MTA3: variants seen among roughly 807,000 people sequenced by gnomAD.
MTA3 encodes the protein metastasis-associated protein MTA3.
MTA3 carries 34 observed loss-of-function variants against 83.5 expected under a neutral mutation model. The observed-to-expected ratio is 0.41, with a 90% confidence interval of 0.31 to 0.54. The LOEUF (loss-of-function observed/expected upper bound fraction) is 0.54, where lower values mean the gene tolerates loss of function less well. Among genes scored for constraint, MTA3 ranks in the 20% least tolerant of loss-of-function variants. The pLI, the probability that MTA3 is intolerant of heterozygous loss-of-function variation, is 0.33. For missense variants in MTA3, 761 were observed against 726.4 expected (o/e 1.05, Z -0.55); for synonymous variants, 303 against 252.7 (o/e 1.20, Z -1.89).
intron 2 of MTA3, among the ~76,000 whole-genome samples, chr2:42,576,926 AC>A (rs1679102046): frequency 1.4e-5 from 2 of 147,970 alleles, no homozygotes; most frequent in South Asian, 4.3e-4. Flanking sequence ...AAACAAAACC[AC>A]CTCTAAACTG....
intron 3 of MTA3, among the ~76,000 whole-genome samples, chr2:42,591,985 C>G (rs1558469295): frequency 6.6e-6 from 1 of 151,586 alleles, no homozygotes; most frequent in African/African-American, 2.4e-5. Flanking sequence ...TTCATTTGGC[C>G]AGGTGTAGTG....
In MTA3 at chr2:42,754,039, G is replaced by A. The variant is rs1389823309; in HGVS notation, c.*640G>A. 8.1e-6 allele frequency: 8 copies of A among 985,306 alleles called. No individual in the cohort carries two copies. The highest frequency in any genetic ancestry group is 9.6e-6 in the Non-Finnish European group (8 of 829,988). 61.0% of individuals were successfully genotyped at this position (985,306 alleles called of 1,614,324 possible). ...TACTCCTCCAAGGAACAGAATTACC[G>A]AGGTTCTGACAAAAGATAAGCCTGT... On this transcript the variant is annotated 3_prime_UTR_variant, in exon 17 of 17. Transcript: ENST00000405094.
At chr2:42,509,254 G>A (rs1674787612) in intron 2 of MTA3, among the ~76,000 whole-genome samples, 1 of 152,066 alleles carries the variant, frequency 6.6e-6, no homozygotes, top group Admixed American at 6.6e-5. Context: ...TGTTGACCAG[G>A]CTGGTCTTGA....
intron 4 of MTA3, among the ~76,000 whole-genome samples, chr2:42,624,113 T>C (rs993159158): frequency 1.3e-5 from 2 of 152,144 alleles, no homozygotes; most frequent in African/African-American, 4.8e-5. Flanking sequence ...TATAGTTTGG[T>C]TGTTGCTTTT....
chr2:42,699,185 A>G (rs999362575), intron 11 of MTA3, among the ~76,000 whole-genome samples: 1 of 152,130 alleles, frequency 6.6e-6, no homozygotes, highest in Non-Finnish European at 1.5e-5. Context: ...TTGTTTTGTG[A>G]ATAAAATTTT....
At chr2:42,518,392 C>T (rs966880425) in intron 2 of MTA3, among the ~76,000 whole-genome samples, 1 of 152,084 alleles carries the variant, frequency 6.6e-6, no homozygotes. Flanking sequence ...ACAAATAAAA[C>T]AATGATTGGG....
At chr2:42,514,678 G>GC (rs1490413701) in intron 2 of MTA3, among the ~76,000 whole-genome samples, 7 of 48,970 alleles carry the variant, frequency 1.4e-4, no homozygotes, top group South Asian at 8.2e-4. Context: ...TGAGCGCCCA[G>GC]CCCCTTTTTT....
At chr2:42,696,721 A>G (rs1342761456) in intron 10 of MTA3, among the ~76,000 whole-genome samples, 1 of 152,210 alleles carries the variant, frequency 6.6e-6, no homozygotes, top group African/African-American at 2.4e-5. Context: ...CCTGGGCAAC[A>G]TAACAAGACC....
At chr2:42,527,745 C>G (rs899533801) in intron 2 of MTA3, among the ~76,000 whole-genome samples, 1 of 151,676 alleles carries the variant, frequency 6.6e-6, no homozygotes, top group African/African-American at 2.4e-5. Flanking sequence ...GTTTCAGCTA[C>G]TCAAGACACT....
chr2:42,625,639 A>T (rs1249743873), intron 4 of MTA3, among the ~76,000 whole-genome samples: 3 of 149,744 alleles, frequency 2.0e-5, no homozygotes, highest in African/African-American at 7.5e-5. Flanking sequence ...CCCAGCTACT[A>T]AGGAGGCTGA....
chr2:42,700,690 T>TA (rs545835439), intron 11 of MTA3, among the ~76,000 whole-genome samples: 2 of 152,158 alleles, frequency 1.3e-5, no homozygotes, highest in African/African-American at 2.4e-5. Context: ...AGTAGATTTT[T>TA]AAAAAAAGGA....
intron 13 of MTA3, among the ~76,000 whole-genome samples, chr2:42,708,516 A>G (rs4953576): frequency 0.79 from 120,616 of 152,102 alleles, 48,726 homozygotes; most frequent in African/African-American, 0.95. Context: ...AAGATGCCAA[A>G]CGCCTGTGTT....
At chr2:42,697,655 C>T (rs1693508186) in intron 10 of MTA3, 121 bp from the exon 11 acceptor site, 1 of 675,838 alleles carries the variant, frequency 1.5e-6, no homozygotes, top group Non-Finnish European at 2.5e-6. Context: ...GAAAGAAAAG[C>T]TTAAGATGGT....
At chr2:42,731,655 G>C (rs942058680) in intron 16 of MTA3, among the ~76,000 whole-genome samples, 1 of 152,066 alleles carries the variant, frequency 6.6e-6, no homozygotes, top group African/African-American at 2.4e-5. Flanking sequence ...TTTGGGTGGC[G>C]ACACAGCCAA....
intron 3 of MTA3, among the ~76,000 whole-genome samples, chr2:42,607,655 A>T (rs1683647858): frequency 6.6e-6 from 1 of 152,122 alleles, no homozygotes; most frequent in African/African-American, 2.4e-5. Flanking sequence ...GTCTAACTTT[A>T]AATTTATCTT....
intron 16 of MTA3, among the ~76,000 whole-genome samples, chr2:42,744,263 G>C (rs1669244891): frequency 6.6e-6 from 1 of 152,184 alleles, no homozygotes; most frequent in Non-Finnish European, 1.5e-5. Context: ...CAACAACTTA[G>C]TGTTTTAGAA....
chr2:42,750,407 T>TC (rs1477977781), intron 16 of MTA3, among the ~76,000 whole-genome samples: 1 of 151,334 alleles, frequency 6.6e-6, no homozygotes, highest in African/African-American at 2.4e-5. Context: ...GGGTCTTTGT[T>TC]TTTTTTTTCC....
chr2:42,692,669 C>T (rs1285052210), intron 9 of MTA3, among the ~76,000 whole-genome samples: 2 of 152,184 alleles, frequency 1.3e-5, no homozygotes, highest in Admixed American at 1.3e-4. Context: ...TTACGTGATC[C>T]TCCTGCCACA....
intron 9 of MTA3, among the ~76,000 whole-genome samples, chr2:42,692,261 A>G (rs900242269): frequency 2.0e-5 from 3 of 152,092 alleles, no homozygotes; most frequent in Non-Finnish European, 4.4e-5. Context: ...AGTGACTCTG[A>G]TGCATTTTTT....
Sources: gnomAD v4.1 joint callset for allele counts (sites outside exome capture counted in the v4.1 genomes callset) on GRCh38, gnomAD v4.1.1 for gene constraint, MANE v1.5 for transcripts, NCBI Gene and HGNC (gene_info 2026-07-23, HGNC 2026-07-21) for gene names.